The following GNA12 variants were observed in gnomAD, a reference collection of about 807,000 sequenced individuals.
GNA12 encodes G protein subunit alpha 12.
Under a neutral mutation model 26.0 loss-of-function variants are expected in GNA12, and 9 were observed. The ratio of observed to expected loss-of-function variants is 0.35; its 90% CI spans 0.21 to 0.60. The LOEUF (loss-of-function observed/expected upper bound fraction) is 0.60. GNA12 is among the 20% of genes least tolerant of loss of function. GNA12 has a pLI of 0.78. For synonymous variants in GNA12, 264 were observed against 219.6 expected (o/e 1.20, Z -1.79); for missense variants, 405 against 525.8 (o/e 0.77, Z 2.25).
intron 2 of GNA12, among the ~76,000 whole-genome samples, chr7:2,754,606 G>C (rs1424924721): frequency 6.6e-6 from 1 of 151,838 alleles, no homozygotes; most frequent in Non-Finnish European, 1.5e-5. Flanking sequence ...AAATTAGCCA[G>C]GTATAGTGTT....
intron 1 of GNA12, among the ~76,000 whole-genome samples, chr7:2,816,626 CAT>C (rs1296245696): frequency 6.6e-6 from 1 of 152,144 alleles, no homozygotes; most frequent in Non-Finnish European, 1.5e-5. Flanking sequence ...GGACTCAAAA[CAT>C]GTACAGAACA....
At chr7:2,794,778 C>T (rs886094147) in intron 2 of GNA12, 150 bp downstream of exon 2, 7 of 639,364 alleles carry the variant, frequency 1.1e-5, no homozygotes, top group South Asian at 5.7e-5. Flanking sequence ...GCCTCCATCC[C>T]GTGTTTTGGT....
At chr7:2,819,060 C>A (rs562184548) in intron 1 of GNA12, among the ~76,000 whole-genome samples, 2 of 152,226 alleles carry the variant, frequency 1.3e-5, no homozygotes, top group African/African-American at 4.8e-5. Flanking sequence ...GATTACCCTG[C>A]GAGCCTGATG....
chr7:2,837,080 G>T (rs948580849), intron 1 of GNA12, among the ~76,000 whole-genome samples: 1 of 152,182 alleles, frequency 6.6e-6, no homozygotes, highest in African/African-American at 2.4e-5. Flanking sequence ...GTGCTGGCAG[G>T]GCCAAGCAGG....
At chr7:2,839,215 A>G (rs1778920834) in intron 1 of GNA12, among the ~76,000 whole-genome samples, 1 of 151,800 alleles carries the variant, frequency 6.6e-6, no homozygotes, top group African/African-American at 2.4e-5. Flanking sequence ...AGAAATCAAC[A>G]AAAGAGAGAC....
At chr7:2,762,477 G>A (rs1006034723) in intron 2 of GNA12, 6 of 675,908 alleles carry the variant, frequency 8.9e-6, no homozygotes, top group South Asian at 2.7e-5. Context: ...GAACCCACCC[G>A]TGTGCGGGGC....
In GNA12 at chr7:2,804,927, G is replaced by C. The variant is rs190260343; in HGVS notation, c.310-9784C>G. 4.6e-5 allele frequency among the ~76,000 whole-genome samples: 7 copies of C among 151,788 alleles called. No individual in the cohort carries two copies. The East Asian group carries it at 1.4e-3, about 29-fold the overall frequency. The stretch of plus-strand genomic sequence containing the variant: ...AAATTAAAAAAAAAAAGATATTGAA[G>C]AGGATACGCAGCTAATGTTCATTTT... On this transcript the variant is annotated intron_variant, in intron 1 of 3. Transcript: ENST00000275364.
intron 1 of GNA12, among the ~76,000 whole-genome samples, chr7:2,838,199 G>C (rs1778893281): frequency 6.6e-6 from 1 of 151,506 alleles, no homozygotes; most frequent in Non-Finnish European, 1.5e-5. Context: ...TCGGCACTTT[G>C]GCCAGGAGAC....
Position 2,762,806 on chromosome 7 carries a change from G to A in GNA12, c.526-29305C>T, listed in dbSNP as rs550054060. ...ACAAAAGGGAGGAGGAGCACTCAGGGCGGCCTCCCATCCGCCACACACCCA... is the reference window on the plus strand; with the variant it reads ...ACAAAAGGGAGGAGGAGCACTCAGGACGGCCTCCCATCCGCCACACACCCA... On this transcript the variant is annotated intron_variant, in intron 2 of 3. Coordinates refer to ENST00000275364, the MANE Select transcript of GNA12 (RefSeq NM_007353.3). 121 of 1,531,326 alleles carry A rather than the reference G, an allele frequency of 7.9e-5. No individual in the cohort carries two copies. In the African/African-American group the frequency reaches 1.5e-3, roughly 19 times the overall value. The allele number at this position is 1,531,326 out of a possible 1,614,324, so 94.9% of individuals were successfully genotyped here. A position where few individuals can be genotyped will look rare whatever the true frequency, so the allele number is the denominator to read the frequency against.
rs777802148 is a variant in GNA12, at chr7:2,796,389, C to T, written c.310-1246G>A. ...GTCTCTCAAATGTGGTATCACCGTCCGCGCCTATTTTCCGTTGGCGGCTGG... is the reference window on the plus strand; with the variant it reads ...GTCTCTCAAATGTGGTATCACCGTCTGCGCCTATTTTCCGTTGGCGGCTGG... On this transcript the variant is annotated intron_variant, in intron 1 of 3. Transcript: ENST00000275364. Among the ~76,000 whole-genome samples, 7 of 152,086 alleles carry T rather than the reference C, an allele frequency of 4.6e-5. No homozygotes were observed. The South Asian group carries it at 8.3e-4, about 18-fold the overall frequency.
chr7:2,774,366 T>C (rs997840464), intron 2 of GNA12, among the ~76,000 whole-genome samples: 3 of 152,214 alleles, frequency 2.0e-5, no homozygotes, highest in Non-Finnish European at 4.4e-5. Flanking sequence ...GTTTTGACTT[T>C]AATCAAGATT....
intron 1 of GNA12, among the ~76,000 whole-genome samples, chr7:2,799,062 G>A (rs1273805259): frequency 6.6e-6 from 1 of 152,158 alleles, no homozygotes; most frequent in Non-Finnish European, 1.5e-5. Flanking sequence ...AATATCTTCA[G>A]GATGTAGGGT....
intron 3 of GNA12, among the ~76,000 whole-genome samples, chr7:2,732,508 T>G (rs942492874): frequency 1.3e-5 from 2 of 152,186 alleles, no homozygotes; most frequent in African/African-American, 4.8e-5. Context: ...ATCGTGCCAC[T>G]GTACTCCAGC....
chr7:2,814,757 C>G (rs1793174962), intron 1 of GNA12: 6 of 902,758 alleles, frequency 6.6e-6, no homozygotes, highest in Non-Finnish European at 1.0e-5. Flanking sequence ...AGTTTATCAG[C>G]CTGTCCAACA....
chr7:2,787,352 TC>T (rs1200869456), intron 2 of GNA12, among the ~76,000 whole-genome samples: 13 of 152,166 alleles, frequency 8.5e-5, no homozygotes, highest in Admixed American at 3.9e-4. Context: ...ACAGCACGCC[TC>T]TGACCAATTC....
chr7:2,776,498 G>A (rs547461737), intron 2 of GNA12, among the ~76,000 whole-genome samples: 2 of 152,320 alleles, frequency 1.3e-5, no homozygotes, highest in African/African-American at 2.4e-5. Context: ...AGACAGGGGC[G>A]ATGAAAGCAT....
chr7:2,805,159 T>C (rs2115473012), intron 1 of GNA12, among the ~76,000 whole-genome samples: 1 of 152,252 alleles, frequency 6.6e-6, no homozygotes, highest in East Asian at 1.9e-4. Context: ...GATGCAGACA[T>C]GCATAAAATT....
chr7:2,788,452 G>A (rs561922125), intron 2 of GNA12, among the ~76,000 whole-genome samples: 28 of 152,330 alleles, frequency 1.8e-4, no homozygotes, highest in African/African-American at 6.0e-4. Context: ...CTGAGGACAG[G>A]AGCGCACACT....
chr7:2,774,170 G>A (rs1431138463), intron 2 of GNA12, among the ~76,000 whole-genome samples: 1 of 152,108 alleles, frequency 6.6e-6, no homozygotes. Flanking sequence ...TCCTGAGCTG[G>A]CGGCAGGTCA....
Sources: allele counts gnomAD v4.1 joint callset (sites outside exome capture counted in the v4.1 genomes callset), GRCh38; gene constraint gnomAD v4.1.1; transcripts MANE v1.5; gene names NCBI Gene and HGNC (gene_info 2026-07-23, HGNC 2026-07-21).